ASTN1: variants seen among roughly 807,000 people sequenced by gnomAD.
ASTN1 encodes astrotactin 1.
A neutral mutation model predicts 140.7 loss-of-function variants in ASTN1; 41 were observed. The observed-to-expected ratio is 0.29, with a 90% CI of 0.23 to 0.38. The LOEUF (loss-of-function observed/expected upper bound fraction) is 0.38, where lower values mean the gene tolerates loss of function less well. Ranked by LOEUF, ASTN1 falls within the 10% of genes least tolerant of loss-of-function variation. ASTN1 has a pLI of 1.00. For missense variants in ASTN1, 1,479 were observed against 1,678.8 expected, an observed-to-expected ratio of 0.88 and a Z score of 2.08; for synonymous variants, 640 against 652.2, an observed-to-expected ratio of 0.98 and a Z score of 0.29.
At chr1:177,007,082 T>C (rs558178793) in intron 8 of ASTN1, among the ~76,000 whole-genome samples, 346 of 152,302 alleles carry the variant, frequency 2.3e-3, no homozygotes, top group South Asian at 4.4e-3. Context: ...TTTACCTCTC[T>C]GGCTCTCCCT....
Position 176,863,145 on chromosome 1 carries a change from C to T in ASTN1, c.*1139G>A. 2.0e-6 allele frequency: 2 copies of T among 985,918 alleles called. No homozygotes were observed. Among genetic ancestry groups the T allele is most frequent in the Non-Finnish European group, 2.4e-6 (2 of 829,944 alleles). The allele number at this position is 985,918 out of a possible 1,614,324, so 61.1% of individuals were successfully genotyped here. A position where few individuals can be genotyped will look rare whatever the true frequency, so the allele number is the denominator to read the frequency against. Reference sequence around the variant, plus strand: ...TCAGTGGTGCTTCCCTACACAGAATCCCTGTGACTGGATGGGCAGTGACCA... The same window carrying T: ...TCAGTGGTGCTTCCCTACACAGAATTCCTGTGACTGGATGGGCAGTGACCA... On this transcript the variant is annotated 3_prime_UTR_variant, in exon 23 of 23. Transcript: ENST00000361833.
chr1:177,123,667 T>G (rs559455434), intron 1 of ASTN1, among the ~76,000 whole-genome samples: 1 of 152,248 alleles, frequency 6.6e-6, no homozygotes, highest in South Asian at 2.1e-4. Flanking sequence ...CTGGGCTACT[T>G]CTTTATGCTA....
At chr1:177,005,303 A>G (rs1480527246) in intron 8 of ASTN1, among the ~76,000 whole-genome samples, 3 of 152,256 alleles carry the variant, frequency 2.0e-5, no homozygotes, top group African/African-American at 7.2e-5. Context: ...AAGAATGGCC[A>G]TTATTAAAAA....
At chr1:177,067,501 T>C (rs1438152775) in intron 1 of ASTN1, among the ~76,000 whole-genome samples, 6 of 152,204 alleles carry the variant, frequency 3.9e-5, no homozygotes, top group African/African-American at 1.4e-4. Context: ...TTCCTTCTAA[T>C]TTCAGAGTTT....
intron 8 of ASTN1, among the ~76,000 whole-genome samples, chr1:176,967,025 AAATT>A (rs1040817016): frequency 6.6e-6 from 1 of 152,194 alleles, no homozygotes; most frequent in Non-Finnish European, 1.5e-5. Flanking sequence ...ACAAGCTAAC[AAATT>A]AATTACCCAG....
chr1:177,007,903 G>A (rs1249778323), intron 8 of ASTN1, among the ~76,000 whole-genome samples: 1 of 152,236 alleles, frequency 6.6e-6, no homozygotes, highest in Non-Finnish European at 1.5e-5. Flanking sequence ...GCAAGCATGG[G>A]TTGGGTTTTA....
intron 1 of ASTN1, among the ~76,000 whole-genome samples, chr1:177,089,766 C>T (rs1393327806): frequency 1.3e-5 from 2 of 152,124 alleles, no homozygotes; most frequent in Admixed American, 1.3e-4. Context: ...TCTTTCTCAA[C>T]CCTACAAACT....
downstream of ASTN1, among the ~76,000 whole-genome samples, chr1:176,858,864 G>A (rs1255090120): frequency 6.6e-6 from 1 of 152,162 alleles, no homozygotes; most frequent in Admixed American, 6.5e-5. Flanking sequence ...AATCATGATG[G>A]CAGTATAGTG....
rs564089926 is a variant in ASTN1, at chr1:176,986,023, A to C, written c.1524-20786T>G. 1.7e-4 allele frequency among the ~76,000 whole-genome samples: 26 copies of C among 152,238 alleles called. No individual in the cohort carries two copies. In the East Asian group the frequency reaches 4.8e-3, roughly 28 times the overall value. On this transcript the variant is annotated intron_variant, in intron 8 of 22. Transcript: ENST00000361833. ...TGGATGACAGGCTTCCAGAGGGCGC[A>C]GCTGAGAACTGCCTCCTGCGCCCGC...
At chr1:176,958,832 A>G (rs1304034724) in intron 9 of ASTN1, among the ~76,000 whole-genome samples, 1 of 152,038 alleles carries the variant, frequency 6.6e-6, no homozygotes, top group South Asian at 2.1e-4. Flanking sequence ...AGAGATGCCA[A>G]CCTCCCACCG....
At chr1:176,878,829 T>A (rs1668672044) in intron 20 of ASTN1, among the ~76,000 whole-genome samples, 1 of 152,088 alleles carries the variant, frequency 6.6e-6, no homozygotes. Flanking sequence ...CCGTGTTTCC[T>A]CCATAAAGTA....
At chr1:177,082,957 GT>G (rs1459367951) in intron 1 of ASTN1, among the ~76,000 whole-genome samples, 1 of 152,112 alleles carries the variant, frequency 6.6e-6, no homozygotes, top group East Asian at 1.9e-4. Context: ...TAAGGCACAT[GT>G]GGATGTTCTC....
At position 177,024,685 on chromosome 1, in the gene ASTN1, T is replaced by C. The variant is rs902088737; in HGVS notation, c.1168A>G (p.Ser390Gly). Residue 390 changes from serine to glycine, a missense_variant, in exon 6 of 23, where the codon AGC (serine) becomes GGC (glycine). This residue lies in a region of ASTN1 where 729 missense variants were observed against 860.4 expected (regional missense o/e 0.85). Transcript: ENST00000361833. ...AGGCCAATCACACAGCTGGTGATGC[T>C]GATCAGGGTCAAGGTGGTCTTATTC... is the stretch of plus-strand genomic sequence containing the variant. ...PVNKTTLTLISITSCVIGLVC... is the reference protein window; with the variant it reads ...PVNKTTLTLIGITSCVIGLVC... 1.9e-6 allele frequency: 3 copies of C among 1,613,932 alleles called. No homozygotes were observed. In the African/African-American group the frequency reaches 4.0e-5, roughly 22 times the overall value.
chr1:177,150,148 A>T (rs1045387128), intron 1 of ASTN1, among the ~76,000 whole-genome samples: 8 of 152,084 alleles, frequency 5.3e-5, no homozygotes, highest in African/African-American at 9.7e-5. Context: ...ACAAGGCAAC[A>T]TCTTATGCTA....
rs372140717 is a variant in ASTN1 at position 177,030,970 on chromosome 1, G to A, written c.866-18C>T. 1.0e-4 allele frequency: 160 copies of A among 1,600,822 alleles called. No individual in the cohort carries two copies. The Admixed American group carries it at 1.8e-3, about 18-fold the overall frequency. ...GTCACTTCCTGTATAAGGAAAAGAC[G>A]AGGCAAAAACTTTAAGAGAAAAGAC... is the stretch of plus-strand genomic sequence containing the variant. On this transcript the variant is annotated intron_variant, in intron 3 of 22. Transcript: ENST00000361833.
chr1:177,062,244 T>G (rs896157997), intron 1 of ASTN1, among the ~76,000 whole-genome samples: 1 of 152,008 alleles, frequency 6.6e-6, no homozygotes, highest in Non-Finnish European at 1.5e-5. Context: ...TTTTCTTTTT[T>G]TTTTTCTTTT....
At position 176,884,452 on chromosome 1, in the gene ASTN1, A is replaced by G. The variant is rs753251844; in HGVS notation, c.3113T>C (p.Leu1038Pro). Residue 1038 changes from leucine to proline, a missense_variant, in exon 19 of 23, where the codon CTT becomes CCT. Around this residue, in one of 3 missense-constraint regions of ASTN1, gnomAD observed 746 missense variants for 800.9 expected, o/e 0.93. Coordinates refer to ENST00000361833, the MANE Select transcript of ASTN1 (RefSeq NM_004319.3). ...TGAGTGTTCCCACTCCAGGACCACA[A>G]GAGTGCTGCTGGGCTCGTGAACCGT... Reference protein sequence around the residue: ...LSTVHEPSSTLVVLEWEHSEP... With the variant: ...LSTVHEPSSTPVVLEWEHSEP... 1 of 1,613,892 alleles carries G rather than the reference A, an allele frequency of 6.2e-7. No individual in the cohort carries two copies. Among genetic ancestry groups the G allele is most frequent in the African/African-American group, 1.3e-5 (1 of 74,922 alleles).
At chr1:177,157,795 T>A (rs1683304162) in intron 1 of ASTN1, among the ~76,000 whole-genome samples, 1 of 152,216 alleles carries the variant, frequency 6.6e-6, no homozygotes, top group African/African-American at 2.4e-5. Context: ...TTCATAAAAA[T>A]TTTGCATTTG....
At chr1:177,064,214 A>G (rs1230673190) in intron 1 of ASTN1, among the ~76,000 whole-genome samples, 1 of 152,194 alleles carries the variant, frequency 6.6e-6, no homozygotes, top group Non-Finnish European at 1.5e-5. Flanking sequence ...AGCACACTTG[A>G]GTAGCTAAAT....
Sources: gnomAD v4.1 joint callset for allele counts (sites outside exome capture counted in the v4.1 genomes callset) on GRCh38, gnomAD v4.1.1 for gene constraint, gnomAD v4.1.1 regional missense constraint, MANE v1.5 for transcripts, NCBI Gene and HGNC (gene_info 2026-07-23, HGNC 2026-07-21) for gene names.